Variants in OLFM3 observed in about 807,000 individuals in gnomAD.
OLFM3 encodes the protein olfactomedin 3.
Under a neutral mutation model 48.6 loss-of-function variants are expected in OLFM3, and 20 were observed. The ratio of observed to expected loss-of-function variants is 0.41; its 90% CI spans 0.29 to 0.60. The LOEUF is 0.60. OLFM3 is among the 20% of genes least tolerant of loss of function. The probability of loss-of-function intolerance (pLI) is 0.28; values close to 1 mark genes in which losing one functional copy is unlikely to be tolerated. For synonymous variants in OLFM3, 222 were observed against 198.1 expected (o/e 1.12, Z -1.01); for missense variants, 437 against 544.3 (o/e 0.80, Z 1.96).
At chr1:101,915,917 C>G (rs1030151209) in intron 1 of OLFM3, among the ~76,000 whole-genome samples, 2 of 152,010 alleles carry the variant, frequency 1.3e-5, no homozygotes, top group Non-Finnish European at 2.9e-5. Flanking sequence ...CTGTGGTTTT[C>G]AAAGAGCTTT....
intron 4 of OLFM3, among the ~76,000 whole-genome samples, chr1:101,817,186 T>C (rs1442863010): frequency 6.6e-6 from 1 of 152,122 alleles, no homozygotes; most frequent in African/African-American, 2.4e-5. Flanking sequence ...TCACTTTTTA[T>C]GAGGACAAAG....
intron 1 of OLFM3, among the ~76,000 whole-genome samples, chr1:101,957,974 T>C (rs545240050): frequency 2.6e-5 from 4 of 152,148 alleles, no homozygotes; most frequent in African/African-American, 9.6e-5. Context: ...CAGAAAGAGG[T>C]GCAGCAACTG....
chr1:101,852,607 T>C (rs1656267152), intron 1 of OLFM3, among the ~76,000 whole-genome samples: 1 of 152,076 alleles, frequency 6.6e-6, no homozygotes, highest in Non-Finnish European at 1.5e-5. Context: ...CTACTTGACA[T>C]CTCCACTTCA....
intron 1 of OLFM3, among the ~76,000 whole-genome samples, chr1:101,943,936 T>C (rs943179129): frequency 2.0e-5 from 3 of 151,788 alleles, no homozygotes; most frequent in African/African-American, 7.3e-5. Flanking sequence ...TAAAAATGTT[T>C]GCTTCTTGCA....
At chr1:101,951,343 C>T (rs1287810843) in intron 1 of OLFM3, among the ~76,000 whole-genome samples, 1 of 152,142 alleles carries the variant, frequency 6.6e-6, no homozygotes, top group Non-Finnish European at 1.5e-5. Flanking sequence ...AAAGTATCAA[C>T]CTACATTTTT....
At chr1:101,950,027 T>TAAAAAAAA (rs68119821) in intron 1 of OLFM3, among the ~76,000 whole-genome samples, 1 of 129,196 alleles carries the variant, frequency 7.7e-6, no homozygotes, top group African/African-American at 2.9e-5. Flanking sequence ...GACTCCGTCT[T>TAAAAAAAA]AAAAAAAAAA....
chr1:101,841,983 G>C (rs1202206959), intron 1 of OLFM3, among the ~76,000 whole-genome samples: 1 of 152,174 alleles, frequency 6.6e-6, no homozygotes, highest in Non-Finnish European at 1.5e-5. Context: ...CATGCTAATG[G>C]CTTCAGTTGT....
intron 1 of OLFM3, among the ~76,000 whole-genome samples, chr1:101,972,934 G>A (rs967463647): frequency 6.6e-6 from 1 of 152,050 alleles, no homozygotes; most frequent in Non-Finnish European, 1.5e-5. Context: ...TGCCTCCTCT[G>A]CGGCAATGGC....
chr1:101,886,145 T>A (rs779718873), intron 1 of OLFM3, among the ~76,000 whole-genome samples: 10 of 151,966 alleles, frequency 6.6e-5, no homozygotes, highest in Non-Finnish European at 1.5e-4. Flanking sequence ...TTAAAAAAAT[T>A]TTGAGTTTTT....
At chr1:101,826,129 A>AACAC (rs66617960) in intron 3 of OLFM3, among the ~76,000 whole-genome samples, 6,517 of 132,990 alleles carry the variant, frequency 0.049, 245 homozygotes, top group African/African-American at 0.1. Context: ...ACTTTCGTCA[A>AACAC]ACACACACAC....
chr1:101,881,682 T>C (rs1657530752), intron 1 of OLFM3, among the ~76,000 whole-genome samples: 1 of 151,814 alleles, frequency 6.6e-6, no homozygotes, highest in East Asian at 1.9e-4. Context: ...CAAGCCACCA[T>C]ATGCACAGAC....
In OLFM3 at chr1:101,879,858, A is replaced by C. The variant is rs192948713; in HGVS notation, c.70-42833T>G. 4.2e-3 allele frequency among the ~76,000 whole-genome samples: 633 copies of C among 151,932 alleles called. 5 individuals carry two copies. Among genetic ancestry groups the C allele is most frequent in the Middle Eastern group, 0.01 (3 of 294 alleles). ...TGTAAGAGGCCAAATAACACCCTAA[A>C]ATAAAGTTTCTCTTAAATTGCATTC... is the stretch of plus-strand genomic sequence containing the variant. On this transcript the variant is annotated intron_variant, in intron 1 of 5. Coordinates refer to ENST00000370103, the MANE Select transcript of OLFM3 (RefSeq NM_058170.4).
chr1:101,816,723 T>C (rs1295181295), intron 4 of OLFM3, among the ~76,000 whole-genome samples: 2 of 152,152 alleles, frequency 1.3e-5, no homozygotes, highest in Non-Finnish European at 2.9e-5. Context: ...TAAGGGAACA[T>C]TGAATAGATA....
intron 1 of OLFM3, among the ~76,000 whole-genome samples, chr1:101,972,919 C>T (rs913296975): frequency 2.0e-5 from 3 of 152,144 alleles, no homozygotes; most frequent in Admixed American, 6.5e-5. Context: ...TGACTAGCTA[C>T]AGTGTGCCTC....
chr1:101,982,029 C>A (rs910266011), intron 1 of OLFM3, among the ~76,000 whole-genome samples: 40 of 152,070 alleles, frequency 2.6e-4, no homozygotes, highest in African/African-American at 8.5e-4. Context: ...AATCTGAAAT[C>A]AAAATGACTA....
At chr1:101,978,581 G>T (rs936384564) in intron 1 of OLFM3, among the ~76,000 whole-genome samples, 1 of 152,064 alleles carries the variant, frequency 6.6e-6, no homozygotes, top group African/African-American at 2.4e-5. Context: ...TGTAATTTAT[G>T]CCATTCACTT....
At chr1:101,888,231 A>G (rs951200677) in intron 1 of OLFM3, among the ~76,000 whole-genome samples, 2 of 152,092 alleles carry the variant, frequency 1.3e-5, no homozygotes, top group African/African-American at 2.4e-5. Flanking sequence ...GAGGCATCAC[A>G]CTACCTGACT....
At chr1:101,950,847 CA>C (rs1660123448) in intron 1 of OLFM3, among the ~76,000 whole-genome samples, 1 of 152,068 alleles carries the variant, frequency 6.6e-6, no homozygotes, top group Non-Finnish European at 1.5e-5. Flanking sequence ...ACAAAAGTGC[CA>C]AGCTCGGAAA....
intron 1 of OLFM3, among the ~76,000 whole-genome samples, chr1:101,975,728 A>G (rs1016506752): frequency 6.6e-6 from 1 of 152,184 alleles, no homozygotes; most frequent in Non-Finnish European, 1.5e-5. Context: ...GCTCAGAGTT[A>G]TCAAAAGAGA....
Sources: gnomAD v4.1 joint callset for allele counts (sites outside exome capture counted in the v4.1 genomes callset) on GRCh38, gnomAD v4.1.1 for gene constraint, MANE v1.5 for transcripts, NCBI Gene and HGNC (gene_info 2026-07-23, HGNC 2026-07-21) for gene names.